The following TMEM151B variants were observed in gnomAD, a reference collection of about 807,000 sequenced individuals.
TMEM151B encodes the protein transmembrane protein 151B.
In TMEM151B, 18 loss-of-function variants were observed where a neutral mutation model predicts 33.0. The observed-to-expected ratio is 0.55, with a 90% confidence interval of 0.38 to 0.81. The LOEUF is 0.81. Ranked by LOEUF, TMEM151B falls within the 30% of genes least tolerant of loss-of-function variation. TMEM151B has a pLI of 0.00. For missense variants in TMEM151B, 672 were observed against 843.4 expected (o/e 0.80, Z 2.52); for synonymous variants, 354 against 373.6 (o/e 0.95, Z 0.61).
chr6:44,273,305 C>T lies in TMEM151B; in HGVS notation c.375C>T (p.Ala125=), dbSNP rs1323498502. The T allele has an allele frequency of 6.4e-7, 1 of 1,551,700 alleles. No homozygotes were observed. Among genetic ancestry groups the T allele is most frequent in the Non-Finnish European group, 8.7e-7 (1 of 1,147,012 alleles). The change falls in exon 2 of 3, where the codon GCC becomes GCT. Residue 125 remains alanine (A), a synonymous_variant. Coordinates refer to ENST00000451188, the MANE Select transcript of TMEM151B (RefSeq NM_001137560.2). ...IPLAFLLMLY[A]VYLVECWHCQ... ...TGGCCTTCCTGCTCATGTTGTACGC[C>T]GTCTACCTGGTGGAGTGTTGGCACT...
At chr6:44,272,935 C>T (rs1239558317) in intron 1 of TMEM151B, 131 bp from the exon 2 acceptor site, 15 of 787,522 alleles carry the variant, frequency 1.9e-5, no homozygotes, top group Non-Finnish European at 2.8e-5. Context: ...CTCTCCATAT[C>T]CCTGTTTCTC....
chr6:44,275,296 C>A (rs1782533190), intron 2 of TMEM151B, 107 bp from the exon 3 acceptor site: 2 of 1,430,420 alleles, frequency 1.4e-6, no homozygotes, highest in South Asian at 1.5e-5. Context: ...GACTTAGGGT[C>A]CGACCAGGCA....
chr6:44,271,637 G>GA (rs1782360421), intron 1 of TMEM151B, among the ~76,000 whole-genome samples: 1 of 152,082 alleles, frequency 6.6e-6, no homozygotes, highest in African/African-American at 2.4e-5. Context: ...GTAGGCACAC[G>GA]AAGGGGCCCG....
In TMEM151B at chr6:44,276,483, C is replaced by A; in HGVS notation, c.1657C>A (p.Arg553=). The A allele has an allele frequency of 6.9e-7, 1 of 1,446,096 alleles. No homozygotes were observed. The highest frequency in any genetic ancestry group is 9.1e-7 in the Non-Finnish European group (1 of 1,097,390). 89.6% of individuals were successfully genotyped at this position (1,446,096 alleles called of 1,614,324 possible). A position where few individuals can be genotyped will look rare whatever the true frequency, so the allele number is the denominator to read the frequency against. The change falls in exon 3 of 3, where the codon CGG becomes AGG. Residue 553 remains arginine, a synonymous_variant. Coordinates refer to ENST00000451188, the MANE Select transcript of TMEM151B (RefSeq NM_001137560.2). ...RQEGCLGHSH[R]PLHRHGSCVE... ...GGAGGGGTGTCTGGGCCACAGCCAC[C>A]GGCCGCTGCACCGCCACGGCTCCTG...
At position 44,276,467 on chromosome 6, in the gene TMEM151B, T is replaced by A; in HGVS notation, c.1641T>A (p.Cys547Ter). ...TCATCGTCCACCGGCAGGAGGGGTG[T>A]CTGGGCCACAGCCACCGGCCGCTGC... The part of the protein sequence containing the change: ...PVLIVHRQEG[C>*]LGHSHRPLHR... Residue 547 changes from cysteine to a stop codon, truncating the protein, a stop_gained, in exon 3 of 3, where the codon TGT becomes TGA. Coordinates refer to ENST00000451188, the MANE Select transcript of TMEM151B (RefSeq NM_001137560.2). LOFTEE classifies it high-confidence loss of function. The A allele has an allele frequency of 6.8e-7, 1 of 1,476,670 alleles. No individual in the cohort carries two copies. 91.5% of individuals were successfully genotyped at this position (1,476,670 alleles called of 1,614,324 possible).
chr6:44,273,800 G>A (rs1782460693), intron 2 of TMEM151B, among the ~76,000 whole-genome samples: 1 of 152,258 alleles, frequency 6.6e-6, no homozygotes, highest in Non-Finnish European at 1.5e-5. Context: ...AGGAAACTGA[G>A]GCCTGGAGAG....
At chr6:44,272,919 C>A in intron 1 of TMEM151B, 147 bp from the exon 2 acceptor site, 1 of 729,006 alleles carries the variant, frequency 1.4e-6, no homozygotes, top group East Asian at 2.7e-5. Context: ...CTTGGTCTCA[C>A]CTTTTCTCTC....
chr6:44,273,647 G>A (rs1269094030), intron 2 of TMEM151B, 141 bp downstream of exon 2: 9 of 928,114 alleles, frequency 9.7e-6, no homozygotes, highest in Non-Finnish European at 1.4e-5. Context: ...TGCAACAGCA[G>A]GGCAATAGCA....
chr6:44,275,351 G>C (rs1411970904), intron 2 of TMEM151B, 52 bp from the exon 3 acceptor site: 1 of 1,454,192 alleles, frequency 6.9e-7, no homozygotes, highest in Non-Finnish European at 9.1e-7. Context: ...GGCAGAAGCG[G>C]GCACCAATGA....
At chr6:44,271,032 C>T (rs1270506271) in intron 1 of TMEM151B, among the ~76,000 whole-genome samples, 155 bp downstream of exon 1, 1 of 149,194 alleles carries the variant, frequency 6.7e-6, no homozygotes, top group African/African-American at 2.4e-5. Flanking sequence ...CGCCCCCACC[C>T]GGCGGCCGGA....
Position 44,276,895 on chromosome 6 carries a change from G to C in TMEM151B, c.*368G>C. On this transcript the variant is annotated 3_prime_UTR_variant, in exon 3 of 3. Transcript: ENST00000451188. ...GCCTTGTCTGAAGGGAGAGGCCCTG[G>C]CATGCGGATGGGAGATTTAGAGGCT... The C allele has an allele frequency of 5.1e-6, 1 of 194,930 alleles. No individual in the cohort carries two copies. Among genetic ancestry groups the C allele is most frequent in the Non-Finnish European group, 1.0e-5 (1 of 97,054 alleles). 12.1% of individuals were successfully genotyped at this position (194,930 alleles called of 1,614,324 possible). A position where few individuals can be genotyped will look rare whatever the true frequency, so the allele number is the denominator to read the frequency against.
intron 1 of TMEM151B, among the ~76,000 whole-genome samples, chr6:44,271,540 T>C (rs1233843666): frequency 6.6e-6 from 1 of 152,024 alleles, no homozygotes; most frequent in Non-Finnish European, 1.5e-5. Context: ...ATGCACCCTG[T>C]ACTAGGGCAG....
At chr6:44,274,718 T>C (rs993334908) in intron 2 of TMEM151B, among the ~76,000 whole-genome samples, 1 of 152,182 alleles carries the variant, frequency 6.6e-6, no homozygotes, top group Non-Finnish European at 1.5e-5. Context: ...TTTGTGGTGA[T>C]GTGGGGGCAC....
Position 44,279,176 on chromosome 6 carries a change from G to A in TMEM151B, c.*2649G>A, listed in dbSNP as rs540124980. 1 of 152,452 alleles carries A rather than the reference G, an allele frequency of 6.6e-6. No homozygotes were observed. The highest frequency in any genetic ancestry group is 2.4e-5 in the African/African-American group (1 of 41,586). 9.4% of individuals were successfully genotyped at this position (152,452 alleles called of 1,614,324 possible). On this transcript the variant is annotated 3_prime_UTR_variant, in exon 3 of 3. Coordinates refer to ENST00000451188, the MANE Select transcript of TMEM151B (RefSeq NM_001137560.2). ...CGCTCAGCCTGAATCAGTCAGCTAGGTCTCTTGTGGCCCTGGGGGCTGATG... is the reference window on the plus strand; with the variant it reads ...CGCTCAGCCTGAATCAGTCAGCTAGATCTCTTGTGGCCCTGGGGGCTGATG...
chr6:44,272,100 G>A (rs1394654452), intron 1 of TMEM151B, among the ~76,000 whole-genome samples: 2 of 152,106 alleles, frequency 1.3e-5, no homozygotes, highest in African/African-American at 2.4e-5. Flanking sequence ...AGCCAGACAT[G>A]TAAACAACTC....
chr6:44,275,978 G>T lies in TMEM151B; in HGVS notation c.1152G>T (p.Val384=), dbSNP rs945946069. Reference sequence around the variant, plus strand: ...ACATCCGCTCCAACCAGCAGCTGGTGCCCAGCTACTCTGAGGCGGTGCTCA... The same window carrying T: ...ACATCCGCTCCAACCAGCAGCTGGTTCCCAGCTACTCTGAGGCGGTGCTCA... ...EWHIRSNQQL[V]PSYSEAVLMD... Residue 384 remains valine, a synonymous_variant, in exon 3 of 3, where the codon GTG becomes GTT. Transcript: ENST00000451188. 74 of 1,456,428 alleles carry T rather than the reference G, an allele frequency of 5.1e-5. No individual in the cohort carries two copies. The Middle Eastern group carries it at 5.7e-4, about 11-fold the overall frequency. 90.2% of individuals were successfully genotyped at this position (1,456,428 alleles called of 1,614,324 possible).
intron 1 of TMEM151B, among the ~76,000 whole-genome samples, chr6:44,272,168 G>T (rs1375965358): frequency 6.6e-6 from 1 of 152,112 alleles, no homozygotes; most frequent in African/African-American, 2.4e-5. Flanking sequence ...CTCCAGGAGA[G>T]TACCAAAAAT....
In TMEM151B at chr6:44,273,343, A is replaced by G; in HGVS notation, c.413A>G (p.His138Arg). Residue 138 changes from histidine to arginine, a missense_variant, in exon 2 of 3, where the codon CAT becomes CGT. Around this residue, in one of 3 missense-constraint regions of TMEM151B, gnomAD observed 285 missense variants for 423.1 expected, o/e 0.67. Coordinates refer to ENST00000451188, the MANE Select transcript of TMEM151B (RefSeq NM_001137560.2). ...LVECWHCQAR[H>R]ELQHRVDVSS... is the part of the protein sequence containing the mutation. Reference sequence around the variant, plus strand: ...GAGTGTTGGCACTGCCAAGCCCGCCATGAGCTGCAGCACCGTGTTGATGTG... The same window carrying G: ...GAGTGTTGGCACTGCCAAGCCCGCCGTGAGCTGCAGCACCGTGTTGATGTG... The G allele has an allele frequency of 3.9e-6, 6 of 1,551,678 alleles. No homozygotes were observed. Among genetic ancestry groups the G allele is most frequent in the Non-Finnish European group, 5.2e-6 (6 of 1,146,994 alleles).
Position 44,275,421 on chromosome 6 carries a change from A to T in TMEM151B, c.595A>T (p.Asn199Tyr). 6.5e-7 allele frequency: 1 copy of T among 1,530,762 alleles called. No individual in the cohort carries two copies. The highest frequency in any genetic ancestry group is 8.8e-7 in the Non-Finnish European group (1 of 1,133,284). 94.8% of individuals were successfully genotyped at this position (1,530,762 alleles called of 1,614,324 possible). The change falls in exon 3 of 3, where the codon AAC (asparagine) becomes TAC (tyrosine). Residue 199 changes from asparagine to tyrosine, a missense_variant. Physicochemically the swap from Asn to Tyr is moderately radical, Grantham distance 143 (BLOSUM62 -2). Coordinates refer to ENST00000451188, the MANE Select transcript of TMEM151B (RefSeq NM_001137560.2). ...GCCGCAGGTCTACCACGAACGCGTCAACACGCACGTGGCGGAGGCTGAGTT... is the reference window on the plus strand; with the variant it reads ...GCCGCAGGTCTACCACGAACGCGTCTACACGCACGTGGCGGAGGCTGAGTT... The part of the protein sequence containing the change: ...TTTQVYHERV[N>Y]THVAEAEFDY...
Sources: gnomAD v4.1 joint callset for allele counts (sites outside exome capture counted in the v4.1 genomes callset) on GRCh38, gnomAD v4.1.1 for gene constraint, gnomAD v4.1.1 regional missense constraint, MANE v1.5 for transcripts, NCBI Gene and HGNC (gene_info 2026-07-23, HGNC 2026-07-21) for gene names.